ZNF385D: variants seen among roughly 807,000 people sequenced by gnomAD.
The protein encoded by ZNF385D is zinc finger protein 385D.
Under a neutral mutation model 35.8 loss-of-function variants are expected in ZNF385D, and 15 were observed. The observed-to-expected ratio is 0.42, with a 90% CI of 0.28 to 0.64. ZNF385D has a LOEUF of 0.64. ZNF385D is among the 30% of genes least tolerant of loss of function. The pLI is 0.23. For missense variants in ZNF385D, 474 were observed against 494.6 expected, an observed-to-expected ratio of 0.96 and a Z score of 0.39; for synonymous variants, 212 against 186.8, an observed-to-expected ratio of 1.13 and a Z score of -1.10.
chr3:21,741,357 T>G (rs754010254), intron 1 of ZNF385D, among the ~76,000 whole-genome samples: 1 of 152,234 alleles, frequency 6.6e-6, no homozygotes, highest in Non-Finnish European at 1.5e-5. Flanking sequence ...CCAATTTACC[T>G]TTTAACTGAT....
intron 2 of ZNF385D, among the ~76,000 whole-genome samples, chr3:22,211,901 A>T (rs1330571065): frequency 6.6e-6 from 1 of 152,034 alleles, no homozygotes; most frequent in Non-Finnish European, 1.5e-5. Context: ...TTAATTCAAC[A>T]ATATGATTCC....
At chr3:21,991,712 G>T (rs1001007677) in intron 3 of ZNF385D, among the ~76,000 whole-genome samples, 2 of 152,162 alleles carry the variant, frequency 1.3e-5, no homozygotes, top group Non-Finnish European at 2.9e-5. Flanking sequence ...TGATTATCAG[G>T]ATTGCTTCAT....
intron 2 of ZNF385D, among the ~76,000 whole-genome samples, chr3:22,275,999 C>T (rs1701408166): frequency 6.6e-6 from 1 of 152,092 alleles, no homozygotes; most frequent in Admixed American, 6.6e-5. Flanking sequence ...GCACAAAAAT[C>T]ACTTGAACCC....
chr3:21,983,237 A>G (rs907025239), intron 3 of ZNF385D, among the ~76,000 whole-genome samples: 1 of 144,922 alleles, frequency 6.9e-6, no homozygotes, highest in Non-Finnish European at 1.5e-5. Flanking sequence ...ATATGTATAC[A>G]TGTGCCATGC....
chr3:21,496,173 G>T (rs1705827339), intron 4 of ZNF385D, among the ~76,000 whole-genome samples: 1 of 151,272 alleles, frequency 6.6e-6, no homozygotes, highest in Admixed American at 6.6e-5. Context: ...ACTTGAGGCG[G>T]AGGCACTTCT....
At chr3:21,871,041 G>A (rs1435333965) in intron 3 of ZNF385D, among the ~76,000 whole-genome samples, 1 of 152,106 alleles carries the variant, frequency 6.6e-6, no homozygotes, top group Non-Finnish European at 1.5e-5. Context: ...CAGAATAACT[G>A]CTGCTATCAG....
chr3:22,204,017 G>A (rs1696980760), intron 2 of ZNF385D, among the ~76,000 whole-genome samples: 2 of 152,044 alleles, frequency 1.3e-5, no homozygotes, highest in Admixed American at 6.6e-5. Context: ...GGTGGTTACA[G>A]TGCACCTTGG....
chr3:21,849,476 A>G (rs542316669), intron 3 of ZNF385D, among the ~76,000 whole-genome samples: 6 of 152,072 alleles, frequency 3.9e-5, no homozygotes, highest in Non-Finnish European at 8.8e-5. Flanking sequence ...TTTAATTAAA[A>G]GAATAAAATA....
chr3:21,884,441 C>A (rs768349386), intron 3 of ZNF385D, among the ~76,000 whole-genome samples: 3 of 152,000 alleles, frequency 2.0e-5, no homozygotes, highest in Admixed American at 1.3e-4. Flanking sequence ...GGCCTCAACT[C>A]TGCTATTAAG....
Position 21,852,980 on chromosome 3 carries a change from A to T in ZNF385D, c.326-187952T>A, listed in dbSNP as rs559784358. Among the ~76,000 whole-genome samples, 11 of 152,068 alleles carry T rather than the reference A, an allele frequency of 7.2e-5. No individual in the cohort carries two copies. In the South Asian group the frequency reaches 1.2e-3, roughly 17 times the overall value. ...AATTTCTTCCACTTGTTCCCTCCAC[A>T]CTAATAAAACATCCCTCTGGACCTA... On this transcript the variant is annotated intron_variant, in intron 3 of 5. Transcript: ENST00000494108.
At chr3:21,854,461 C>A (rs778721507) in intron 3 of ZNF385D, among the ~76,000 whole-genome samples, 6 of 151,930 alleles carry the variant, frequency 3.9e-5, no homozygotes, top group East Asian at 1.9e-4. Context: ...GGGCACGCAA[C>A]CTTGGCAATA....
intron 3 of ZNF385D, among the ~76,000 whole-genome samples, chr3:21,946,803 G>T (rs1413131548): frequency 1.3e-5 from 2 of 152,220 alleles, no homozygotes; most frequent in African/African-American, 4.8e-5. Flanking sequence ...CTGCACTCCA[G>T]CCTGGGTGAT....
intron 2 of ZNF385D, among the ~76,000 whole-genome samples, chr3:22,265,862 T>G (rs537721604): frequency 9.9e-5 from 15 of 152,088 alleles, no homozygotes; most frequent in African/African-American, 3.4e-4. Flanking sequence ...TAAGGTCACA[T>G]AGAGGTTAAG....
At position 21,414,553 on chromosome 3, in the gene ZNF385D, G is replaced by A. The variant is rs1700535202; in HGVS notation, c.*6661C>T. ...ATGGCTTAGATTTTGGAGCTATTTT[G>A]AGTAGCAAATGACTTGCTTTTACTA... On this transcript the variant is annotated 3_prime_UTR_variant, in exon 8 of 8. Coordinates refer to ENST00000281523, the MANE Select transcript of ZNF385D (RefSeq NM_024697.3). 6.6e-6 allele frequency: 1 copy of A among 152,070 alleles called. No individual in the cohort carries two copies. The allele number at this position is 152,070 out of a possible 1,614,324, so 9.4% of individuals were successfully genotyped here.
intron 2 of ZNF385D, among the ~76,000 whole-genome samples, chr3:21,619,926 C>T (rs1211909987): frequency 1.3e-5 from 2 of 152,172 alleles, no homozygotes; most frequent in South Asian, 4.1e-4. Context: ...GCAGCAGCCA[C>T]ATTACACCCT....
At chr3:22,332,089 C>T (rs1373895874) in intron 2 of ZNF385D, among the ~76,000 whole-genome samples, 1 of 152,134 alleles carries the variant, frequency 6.6e-6, no homozygotes, top group Admixed American at 6.5e-5. Flanking sequence ...TAACATTTTA[C>T]TAGTCATCAA....
At chr3:21,871,334 C>A (rs555655856) in intron 3 of ZNF385D, among the ~76,000 whole-genome samples, 1 of 151,442 alleles carries the variant, frequency 6.6e-6, no homozygotes, top group Admixed American at 6.5e-5. Context: ...CATGCAGACA[C>A]TCCTATCATT....
chr3:21,639,802 A>G lies in ZNF385D; in HGVS notation c.165+25084T>C, dbSNP rs138175377. On this transcript the variant is annotated intron_variant, in intron 2 of 7. Coordinates refer to ENST00000281523, the MANE Select transcript of ZNF385D (RefSeq NM_024697.3). Reference sequence around the variant, plus strand: ...AATTTTGATTAAAGTCTAATTATATATAATAGTTATAGATTTTTTATTTTA... The same window carrying G: ...AATTTTGATTAAAGTCTAATTATATGTAATAGTTATAGATTTTTTATTTTA... Among the ~76,000 whole-genome samples the G allele has an allele frequency of 5.5e-3, 843 of 152,122 alleles. 2 individuals are homozygous for G. The highest frequency in any genetic ancestry group is 9.2e-3 in the Non-Finnish European group (628 of 67,984).
chr3:21,501,174 T>G (rs1706332553), intron 4 of ZNF385D, among the ~76,000 whole-genome samples: 2 of 152,018 alleles, frequency 1.3e-5, no homozygotes, highest in Admixed American at 1.3e-4. Context: ...TTCCGTTCAA[T>G]TTGGGGTCTC....
Sources: allele counts gnomAD v4.1 joint callset (sites outside exome capture counted in the v4.1 genomes callset), GRCh38; gene constraint gnomAD v4.1.1; transcripts MANE v1.5; gene names NCBI Gene and HGNC (gene_info 2026-07-23, HGNC 2026-07-21).